The following MDN1 variants were observed in gnomAD, a reference collection of about 807,000 sequenced individuals.
MDN1 encodes the protein midasin AAA ATPase 1, also known as midasin.
MDN1 carries 266 observed loss-of-function variants against 669.2 expected under a neutral mutation model. The ratio of observed to expected loss-of-function variants is 0.40; its 90% CI spans 0.36 to 0.44. The LOEUF (loss-of-function observed/expected upper bound fraction) is 0.44, where lower values mean the gene tolerates loss of function less well. MDN1 is among the 20% of genes least tolerant of loss of function. The probability of loss-of-function intolerance (pLI) is 1.00; values close to 1 mark genes in which losing one functional copy is unlikely to be tolerated. For missense variants in MDN1, 5,940 were observed against 6,754.0 expected (o/e 0.88, Z 4.22); for synonymous variants, 2,385 against 2,457.1 (o/e 0.97, Z 0.87).
intron 90 of MDN1, among the ~76,000 whole-genome samples, chr6:89,657,086 C>T (rs533905515): frequency 6.6e-6 from 1 of 152,286 alleles, no homozygotes; most frequent in East Asian, 1.9e-4. Context: ...ACAGGACAGA[C>T]CTCAATTAGA....
chr6:89,650,609 T>G (rs1808781721), intron 96 of MDN1, 123 bp downstream of exon 96: 2 of 707,716 alleles, frequency 2.8e-6, no homozygotes, highest in African/African-American at 1.8e-5. Context: ...TACTGGTGCC[T>G]GTACGGCACA....
intron 40 of MDN1, among the ~76,000 whole-genome samples, chr6:89,720,008 A>G (rs562363690): frequency 6.6e-6 from 1 of 152,362 alleles, no homozygotes; most frequent in Non-Finnish European, 1.5e-5. Context: ...CCACAGAAGT[A>G]GGGAAAATTA....
rs990554799 is a variant in MDN1 at position 89,673,574 on chromosome 6, G to C, written c.13248-112C>G. ...CAAGGTAGAACTCATCATAGCTGAA[G>C]GTTTACGGCTAAACACATGCCACAA... On this transcript the variant is annotated intron_variant, in intron 79 of 101. Transcript: ENST00000369393. 2.1e-5 allele frequency: 19 copies of C among 911,514 alleles called. No homozygotes were observed. In the African/African-American group the frequency reaches 2.8e-4, roughly 13 times the overall value. 56.5% of individuals were successfully genotyped at this position (911,514 alleles called of 1,614,324 possible). A position where few individuals can be genotyped will look rare whatever the true frequency, so the allele number is the denominator to read the frequency against.
In MDN1 at chr6:89,783,502, C is replaced by A. The variant is rs550787742; in HGVS notation, c.1449+1510G>T. Among the ~76,000 whole-genome samples the A allele has an allele frequency of 2.5e-4, 38 of 152,204 alleles. No individual in the cohort carries two copies. The South Asian group carries it at 7.5e-3, about 30-fold the overall frequency. On this transcript the variant is annotated intron_variant, in intron 9 of 101. Transcript: ENST00000369393. ...AGCCTTATCAGTAGTTCTGCTTTTG[C>A]CCTTTGCCTTGTGATCTTTGTTGGA...
chr6:89,732,800 A>G (rs759200609), intron 33 of MDN1, 25 bp from the exon 34 acceptor site: 55 of 1,607,708 alleles, frequency 3.4e-5, no homozygotes, highest in East Asian at 8.9e-5. Flanking sequence ...CAAAAAAAGC[A>G]TTTGCTGTTA....
intron 70 of MDN1, 41 bp from the exon 71 acceptor site, chr6:89,685,026 G>T (rs1175557639): frequency 2.9e-6 from 4 of 1,388,010 alleles, no homozygotes; most frequent in South Asian, 1.2e-5. Context: ...CACACTTGCT[G>T]CATGTGCTAC....
At chr6:89,744,265 G>A (rs1360694401) in intron 29 of MDN1, among the ~76,000 whole-genome samples, 1 of 151,926 alleles carries the variant, frequency 6.6e-6, no homozygotes, top group African/African-American at 2.4e-5. Context: ...GACAAAAACT[G>A]CCCTCAATGC....
intron 17 of MDN1, among the ~76,000 whole-genome samples, chr6:89,759,201 T>C (rs953193075): frequency 2.0e-5 from 3 of 152,184 alleles, no homozygotes; most frequent in African/African-American, 7.2e-5. Flanking sequence ...CTAAATCCTC[T>C]CATTATGTGG....
At chr6:89,735,912 C>T (rs1375583953) in intron 33 of MDN1, among the ~76,000 whole-genome samples, 4 of 152,010 alleles carry the variant, frequency 2.6e-5, no homozygotes, top group African/African-American at 7.3e-5. Context: ...CCCAGCTACT[C>T]GGGAGGCTGA....
intron 1 of MDN1, among the ~76,000 whole-genome samples, chr6:89,813,307 C>T (rs986631575): frequency 2.6e-5 from 4 of 151,996 alleles, no homozygotes; most frequent in South Asian, 2.1e-4. Context: ...CCCAGCACTT[C>T]GGGAGACCGA....
intron 69 of MDN1, among the ~76,000 whole-genome samples, chr6:89,686,360 G>A (rs1812003508): frequency 6.6e-6 from 1 of 152,124 alleles, no homozygotes; most frequent in Non-Finnish European, 1.5e-5. Flanking sequence ...GGGAGGCGGA[G>A]ATTGCAGGGA....
chr6:89,687,993 TTCTG>T (rs1290112161), intron 67 of MDN1, 81 bp downstream of exon 67: 5 of 1,200,722 alleles, frequency 4.2e-6, no homozygotes, highest in South Asian at 1.2e-5. Context: ...AACTATAATT[TTCTG>T]TCTAACAACA....
intron 94 of MDN1, among the ~76,000 whole-genome samples, chr6:89,652,633 C>T (rs1258353618): frequency 3.9e-5 from 6 of 152,180 alleles, no homozygotes; most frequent in Non-Finnish European, 8.8e-5. Context: ...TTCATAAATA[C>T]AGGCACTAAG....
Position 89,761,791 on chromosome 6 carries a change from A to T in MDN1, c.2357-43T>A, listed in dbSNP as rs779004589. 6.0e-6 allele frequency: 8 copies of T among 1,337,124 alleles called. No individual in the cohort carries two copies. In the Admixed American group the frequency reaches 1.5e-4, roughly 25 times the overall value. 82.8% of individuals were successfully genotyped at this position (1,337,124 alleles called of 1,614,324 possible). On this transcript the variant is annotated intron_variant, in intron 16 of 101. Transcript: ENST00000369393. ...GAATTCAGCACACATTTTGAATTGT[A>T]ATATATACAACTTCTAAACAAACAA...
chr6:89,676,918 A>C (rs1357905047), intron 76 of MDN1, among the ~76,000 whole-genome samples: 1 of 149,332 alleles, frequency 6.7e-6, no homozygotes, highest in African/African-American at 2.4e-5. Flanking sequence ...ACTTATGAGG[A>C]GTGTATGTAT....
At position 89,690,056 on chromosome 6, in the gene MDN1, C is replaced by T. The variant is rs746898696; in HGVS notation, c.10837G>A (p.Ala3613Thr). The change falls in exon 65 of 102, where the codon GCT becomes ACT. Residue 3613 changes from alanine to threonine, a missense_variant. Physicochemically the swap from Ala to Thr is moderately conservative, Grantham distance 58. Coordinates refer to ENST00000369393, the MANE Select transcript of MDN1 (RefSeq NM_014611.3). Reference protein sequence around the residue: ...GQEEEAGTNPALLSQNSMQAV... With the variant: ...GQEEEAGTNPTLLSQNSMQAV... ...TGCATTGAATTCTGGGAGAGGAGAG[C>T]TGGGTTTGTGCCTGCTTCCTCTTCT... 5 of 1,614,162 alleles carry T rather than the reference C, an allele frequency of 3.1e-6. No homozygotes were observed. The Admixed American group carries it at 8.3e-5, about 27-fold the overall frequency.
rs1816690790 is a variant in MDN1 at position 89,747,386 on chromosome 6, T to G, written c.3847A>C (p.Arg1283=). 1 of 1,614,170 alleles carries G rather than the reference T, an allele frequency of 6.2e-7. No individual in the cohort carries two copies. The highest frequency in any genetic ancestry group is 2.2e-5 in the East Asian group (1 of 44,876). ...TCCTTCTCGGTCGGCTCAGCCAATC[T>G]GTATCTTTCAGCCCATCGGAACAGA... ...RDLFRWAERY[R]LAEPTEKEYD... The change falls in exon 27 of 102, where the codon AGA becomes CGA. Residue 1283 remains arginine (R), a synonymous_variant. Coordinates refer to ENST00000369393, the MANE Select transcript of MDN1 (RefSeq NM_014611.3).
intron 38 of MDN1, among the ~76,000 whole-genome samples, chr6:89,724,117 T>C (rs912802244): frequency 6.6e-6 from 1 of 151,458 alleles, no homozygotes; most frequent in Non-Finnish European, 1.5e-5. Flanking sequence ...CACTCCAGCC[T>C]GGGCGACAGA....
intron 21 of MDN1, among the ~76,000 whole-genome samples, chr6:89,753,824 G>A (rs1384867543): frequency 6.6e-6 from 1 of 152,108 alleles, no homozygotes; most frequent in Non-Finnish European, 1.5e-5. Context: ...CAAGGCAGGA[G>A]GACAGCTTGA....
Sources: allele counts gnomAD v4.1 joint callset (sites outside exome capture counted in the v4.1 genomes callset), GRCh38; gene constraint gnomAD v4.1.1; transcripts MANE v1.5; gene names NCBI Gene and HGNC (gene_info 2026-07-23, HGNC 2026-07-21).